LINGO2: variants seen among roughly 807,000 people sequenced by gnomAD.
LINGO2 encodes the protein leucine-rich repeat and immunoglobulin-like domain-containing nogo receptor-interacting protein 2.
A neutral mutation model predicts 30.6 loss-of-function variants in LINGO2; 14 were observed. The ratio of observed to expected loss-of-function variants is 0.46; its 90% confidence interval spans 0.30 to 0.72. The LOEUF (loss-of-function observed/expected upper bound fraction) is 0.72. LINGO2 is among the 30% of genes least tolerant of loss of function. The pLI is 0.07. For synonymous variants in LINGO2, 317 were observed against 288.5 expected (o/e 1.10, Z -1.00); for missense variants, 729 against 751.7 (o/e 0.97, Z 0.35).
chr9:28,962,347 C>T, the LINGO2 span, among the ~76,000 whole-genome samples: 1 of 152,026 alleles, frequency 6.6e-6, no homozygotes, highest in Non-Finnish European at 1.5e-5. Context: ...CAAATTCATA[C>T]AGATAGTAAA....
chr9:28,366,318 T>A (rs552871903), intron 3 of LINGO2, among the ~76,000 whole-genome samples: 1 of 152,304 alleles, frequency 6.6e-6, no homozygotes, highest in South Asian at 2.1e-4. Flanking sequence ...TATGTGATCT[T>A]TAGGCTGTGT....
intron 4 of LINGO2, among the ~76,000 whole-genome samples, chr9:28,057,590 T>TACATATATATACACATATATGTATAG: frequency 6.8e-6 from 1 of 146,660 alleles, no homozygotes; most frequent in Non-Finnish European, 1.5e-5. Context: ...TATATGTATA[T>TACATATATATACACATATATGTATAG]ACATATATAT....
At chr9:29,206,577 T>C in the LINGO2 span, among the ~76,000 whole-genome samples, 3 of 152,188 alleles carry the variant, frequency 2.0e-5, no homozygotes, top group African/African-American at 7.2e-5. Flanking sequence ...TGCATGAATC[T>C]TTTTCAGACC....
At chr9:28,017,184 C>T (rs571113073) in intron 4 of LINGO2, among the ~76,000 whole-genome samples, 4 of 152,250 alleles carry the variant, frequency 2.6e-5, no homozygotes, top group South Asian at 4.1e-4. Context: ...ATTGAAGGAA[C>T]ACACTTCAAA....
Position 28,249,078 on chromosome 9 carries a change from T to C in LINGO2, c.-87+46130A>G, listed in dbSNP as rs534183446. On this transcript the variant is annotated intron_variant, in intron 4 of 5. Coordinates refer to ENST00000379992, the Ensembl canonical transcript of LINGO2. ...AAATGTGTAGAGTCCTATATTTACT[T>C]ACATGATTTGTGGGGAAATGTGGTT... Among the ~76,000 whole-genome samples, 12 of 152,256 alleles carry C rather than the reference T, an allele frequency of 7.9e-5. No homozygotes were observed. The South Asian group carries it at 2.5e-3, about 32-fold the overall frequency.
the LINGO2 span, among the ~76,000 whole-genome samples, chr9:28,830,807 C>T: frequency 6.8e-6 from 1 of 147,824 alleles, no homozygotes; most frequent in Admixed American, 6.6e-5. Flanking sequence ...CATGCATGTT[C>T]ACTTGCATCG....
At chr9:28,620,277 T>A (rs1157923771) in intron 1 of LINGO2, among the ~76,000 whole-genome samples, 1 of 152,094 alleles carries the variant, frequency 6.6e-6, no homozygotes, top group Non-Finnish European at 1.5e-5. Flanking sequence ...TTTGTCTAAG[T>A]TTTAGACAAA....
chr9:28,877,768 G>GT, the LINGO2 span, among the ~76,000 whole-genome samples: 784 of 152,132 alleles, frequency 5.2e-3, 8 homozygotes, highest in African/African-American at 0.018. Context: ...CTTTAAAGTA[G>GT]TTTTTTCCAA....
the LINGO2 span, among the ~76,000 whole-genome samples, chr9:28,708,763 A>ATCTATCTATCTATCTG: frequency 0.013 from 1,903 of 146,332 alleles, 31 homozygotes; most frequent in Admixed American, 0.034. Context: ...TAAACTAATT[A>ATCTATCTATCTATCTG]TCTATCTATC....
At chr9:27,994,688 A>C (rs1274936433) in intron 5 of LINGO2, among the ~76,000 whole-genome samples, 1 of 152,174 alleles carries the variant, frequency 6.6e-6, no homozygotes, top group Admixed American at 6.6e-5. Flanking sequence ...GGAACCATTC[A>C]TATTCAACAT....
intron 3 of LINGO2, among the ~76,000 whole-genome samples, chr9:28,364,860 G>A (rs1302242457): frequency 6.6e-6 from 1 of 152,038 alleles, no homozygotes; most frequent in Non-Finnish European, 1.5e-5. Context: ...CACACACTAT[G>A]GCCTATATTC....
the LINGO2 span, among the ~76,000 whole-genome samples, chr9:28,982,889 T>C: frequency 5.2e-4 from 79 of 152,134 alleles, no homozygotes; most frequent in African/African-American, 1.8e-3. Context: ...CCTTTTGAAA[T>C]AAATTATAGT....
At chr9:28,381,332 C>T (rs138841646) in intron 2 of LINGO2, among the ~76,000 whole-genome samples, 1 of 152,158 alleles carries the variant, frequency 6.6e-6, no homozygotes, top group African/African-American at 2.4e-5. Flanking sequence ...GTGCCAGTGG[C>T]AGCAAAAATA....
At chr9:28,556,347 C>A (rs1239858134) in intron 1 of LINGO2, among the ~76,000 whole-genome samples, 2 of 150,160 alleles carry the variant, frequency 1.3e-5, no homozygotes, top group Non-Finnish European at 1.5e-5. Flanking sequence ...TCTTATACAC[C>A]AACAACAGAC....
intron 1 of LINGO2, among the ~76,000 whole-genome samples, chr9:28,617,421 C>G (rs1054404765): frequency 2.0e-5 from 3 of 151,784 alleles, no homozygotes; most frequent in Admixed American, 6.6e-5. Flanking sequence ...TCAGCCTCCC[C>G]AGTAGCTGGG....
At chr9:28,312,988 A>G (rs1165207380) in intron 3 of LINGO2, among the ~76,000 whole-genome samples, 1 of 152,200 alleles carries the variant, frequency 6.6e-6, no homozygotes, top group African/African-American at 2.4e-5. Context: ...CTGACACAGT[A>G]TATCATCCCC....
intron 3 of LINGO2, among the ~76,000 whole-genome samples, chr9:28,354,530 A>C (rs1199210196): frequency 1.3e-5 from 2 of 152,304 alleles, no homozygotes; most frequent in South Asian, 2.1e-4. Context: ...AGAAATCTTC[A>C]AACAGTAGGA....
the LINGO2 span, among the ~76,000 whole-genome samples, chr9:29,032,092 G>A: frequency 2.0e-5 from 3 of 152,170 alleles, no homozygotes; most frequent in Admixed American, 6.6e-5. Context: ...AACTTGTAGA[G>A]TAGTGCATAA....
intron 5 of LINGO2, among the ~76,000 whole-genome samples, chr9:27,962,784 CA>C (rs1819911719): frequency 6.6e-6 from 1 of 152,070 alleles, no homozygotes; most frequent in South Asian, 2.1e-4. Flanking sequence ...CAAGGTTTGA[CA>C]AGATGAATTT....
Sources: gnomAD v4.1 joint callset for allele counts (sites outside exome capture counted in the v4.1 genomes callset) on GRCh38, gnomAD v4.1.1 for gene constraint, MANE v1.5 for transcripts, NCBI Gene and HGNC (gene_info 2026-07-23, HGNC 2026-07-21) for gene names.